The following GREB1 variants were observed in gnomAD, a reference collection of about 807,000 sequenced individuals.
GREB1 encodes the protein growth regulating estrogen receptor binding 1.
GREB1 carries 106 observed loss-of-function variants against 200.7 expected under a neutral mutation model. The observed-to-expected ratio is 0.53, with a 90% confidence interval of 0.45 to 0.62. GREB1 has a LOEUF of 0.62. Ranked by LOEUF, GREB1 falls within the 20% of genes least tolerant of loss-of-function variation. The pLI is 0.00. For synonymous variants in GREB1, 1,132 were observed against 1,092.4 expected, an observed-to-expected ratio of 1.04 and a Z score of -0.72; for missense variants, 2,243 against 2,556.8, an observed-to-expected ratio of 0.88 and a Z score of 2.65.
chr2:11,638,920 G>C, intron 32 of GREB1, 111 bp downstream of exon 32: 1 of 1,107,852 alleles, frequency 9.0e-7, no homozygotes, highest in East Asian at 2.4e-5. Context: ...GGTAAACTGA[G>C]GATCAGAGAG....
chr2:11,605,620 C>T (rs780015933), intron 17 of GREB1, among the ~76,000 whole-genome samples: 5 of 152,124 alleles, frequency 3.3e-5, no homozygotes, highest in African/African-American at 7.2e-5. Flanking sequence ...CTTTGTAATT[C>T]CTTCCTCCTG....
At chr2:11,624,783 G>C (rs905743399) in intron 23 of GREB1, among the ~76,000 whole-genome samples, 2 of 151,934 alleles carry the variant, frequency 1.3e-5, no homozygotes, top group African/African-American at 4.8e-5. Context: ...ACATAAATTT[G>C]TAAACTTTCT....
chr2:11,511,335 T>G (rs905874334), intron 1 of GREB1, among the ~76,000 whole-genome samples: 2 of 152,074 alleles, frequency 1.3e-5, no homozygotes, highest in African/African-American at 4.8e-5. Flanking sequence ...TTTCCCCAGA[T>G]TGCGTAGCCA....
chr2:11,626,873 T>C (rs189398679), intron 24 of GREB1, 89 bp from the exon 25 acceptor site: 1 of 1,342,656 alleles, frequency 7.4e-7, no homozygotes, highest in Non-Finnish European at 1.1e-6. Flanking sequence ...GTCTGGTCAT[T>C]TGAGCATTTT....
intron 4 of GREB1, among the ~76,000 whole-genome samples, chr2:11,575,834 T>C (rs1411936828): frequency 6.6e-6 from 1 of 152,200 alleles, no homozygotes; most frequent in East Asian, 1.9e-4. Flanking sequence ...GCCTGATCTG[T>C]GTAGACAGTG....
At chr2:11,591,652 A>G (rs1043877971) in intron 10 of GREB1, 1 of 562,242 alleles carries the variant, frequency 1.8e-6, no homozygotes, top group South Asian at 2.2e-5. Context: ...AAGCAATCTG[A>G]TGATATGTAG....
chr2:11,587,741 A>ACACGCGCGCGCGCG, intron 9 of GREB1: 3 of 788,322 alleles, frequency 3.8e-6, no homozygotes, highest in South Asian at 4.4e-5. Context: ...ACACACACAC[A>ACACGCGCGCGCGCG]CGCCACCTTT....
intron 4 of GREB1, among the ~76,000 whole-genome samples, chr2:11,567,270 G>T (rs1475367475): frequency 6.6e-6 from 1 of 152,104 alleles, no homozygotes; most frequent in Admixed American, 6.5e-5. Flanking sequence ...TATTACAGGT[G>T]TGCACCACCA....
intron 2 of GREB1, chr2:11,561,729 C>G (rs1239479639): frequency 1.3e-5 from 2 of 152,240 alleles, no homozygotes; most frequent in African/African-American, 4.8e-5. Context: ...CCCTGCTTAG[C>G]TTCTGAGATC....
intron 25 of GREB1, among the ~76,000 whole-genome samples, chr2:11,628,054 C>T (rs1011330988): frequency 1.8e-4 from 28 of 151,978 alleles, no homozygotes; most frequent in African/African-American, 6.3e-4. Context: ...CCACGAAACT[C>T]GGAGGGCAGG....
At chr2:11,589,008 G>C (rs192751866) in intron 10 of GREB1, 77 bp downstream of exon 10, 20 of 1,168,052 alleles carry the variant, frequency 1.7e-5, no homozygotes, top group African/African-American at 1.4e-4. Flanking sequence ...CGGCCCTCGT[G>C]GGGGCTGACT....
chr2:11,541,449 G>T (rs970401048), intron 1 of GREB1, among the ~76,000 whole-genome samples: 2 of 152,000 alleles, frequency 1.3e-5, no homozygotes, highest in African/African-American at 4.8e-5. Context: ...AAGTGAGAGG[G>T]GGGCCATGGG....
In GREB1 at chr2:11,634,218, G is replaced by C. The variant is rs1466060128; in HGVS notation, c.5079G>C (p.Leu1693=). 1.9e-6 allele frequency: 3 copies of C among 1,614,208 alleles called. No individual in the cohort carries two copies. Among genetic ancestry groups the C allele is most frequent in the Non-Finnish European group, 2.5e-6 (3 of 1,180,026 alleles). The change falls in exon 29 of 33, where the codon CTG becomes CTC. Residue 1693 remains leucine (L), a synonymous_variant. Transcript: ENST00000381486. ...EAAPDIMHYA[L]LGLRKWSSKT... ...CCCCCGACATCATGCACTACGCCCT[G>C]CTGGGCCTGCGGAAGTGGTCCAGCA...
At chr2:11,616,559 C>A (rs991029242) in intron 20 of GREB1, 72 bp from the exon 21 acceptor site, 3 of 917,680 alleles carry the variant, frequency 3.3e-6, no homozygotes, top group Non-Finnish European at 3.7e-6. Context: ...ACACTTTACA[C>A]ACTGTGAAGT....
chr2:11,498,826 C>T (rs941197443), intron 1 of GREB1, among the ~76,000 whole-genome samples: 4 of 152,164 alleles, frequency 2.6e-5, no homozygotes, highest in Admixed American at 6.5e-5. Flanking sequence ...GCAGACTCAC[C>T]GAAACTGCTG....
chr2:11,595,204 A>C (rs752965680), intron 11 of GREB1, 47 bp from the exon 12 acceptor site: 5 of 1,564,524 alleles, frequency 3.2e-6, no homozygotes, highest in Non-Finnish European at 4.4e-6. Context: ...CACAGCCCGT[A>C]AGCAGGGAAG....
rs1244503696 is a variant in GREB1 at position 11,629,937 on chromosome 2, C to T, written c.4450-11C>T. On this transcript the variant is annotated splice_polypyrimidine_tract_variant and intron_variant, in intron 25 of 32. Transcript: ENST00000381486. This position sits in a 1 kb window ranked among gnomAD's most constrained non-coding sequence, Gnocchi z 5.2. Reference sequence around the variant, plus strand: ...CTGACGGCAAGCTCTGTCCTTTCCCCCACACCCCAGCTGTATGAGTCCACC... The same window carrying T: ...CTGACGGCAAGCTCTGTCCTTTCCCTCACACCCCAGCTGTATGAGTCCACC... 4 of 1,613,310 alleles carry T rather than the reference C, an allele frequency of 2.5e-6. No individual in the cohort carries two copies. In the Middle Eastern group the frequency reaches 5.0e-4, roughly 200 times the overall value.
intron 4 of GREB1, among the ~76,000 whole-genome samples, chr2:11,570,108 T>A (rs1420717285): frequency 2.6e-5 from 4 of 152,140 alleles, no homozygotes; most frequent in Non-Finnish European, 5.9e-5. Context: ...GGCAGGGCAT[T>A]ATCTCTAAAA....
At chr2:11,634,950 T>TG (rs1475545209) in intron 29 of GREB1, among the ~76,000 whole-genome samples, 1 of 152,232 alleles carries the variant, frequency 6.6e-6, no homozygotes, top group African/African-American at 2.4e-5. Flanking sequence ...TTTTCACCGA[T>TG]GCGTGAGGTC....
Sources: gnomAD v4.1 joint callset for allele counts (sites outside exome capture counted in the v4.1 genomes callset) on GRCh38, gnomAD v4.1.1 for gene constraint, Gnocchi (gnomAD v3.1) non-coding constraint, MANE v1.5 for transcripts, NCBI Gene and HGNC (gene_info 2026-07-23, HGNC 2026-07-21) for gene names.